CALCOCO2: variants seen among roughly 807,000 people sequenced by gnomAD.
CALCOCO2 encodes the protein calcium-binding and coiled-coil domain-containing protein 2.
A neutral mutation model predicts 62.5 loss-of-function variants in CALCOCO2; 42 were observed. The ratio of observed to expected loss-of-function variants is 0.67; its 90% CI spans 0.53 to 0.87. The LOEUF (loss-of-function observed/expected upper bound fraction) is 0.87. CALCOCO2 is among the 40% of genes least tolerant of loss of function. The pLI is 0.00. For synonymous variants in CALCOCO2, 167 were observed against 173.0 expected (o/e 0.97, Z 0.27); for missense variants, 456 against 515.0 (o/e 0.89, Z 1.11).
At chr17:48,858,049 T>TAGAATAGAATAG (rs2040263981) in intron 10 of CALCOCO2, among the ~76,000 whole-genome samples, 1 of 113,672 alleles carries the variant, frequency 8.8e-6, no homozygotes, top group Non-Finnish European at 2.0e-5. Flanking sequence ...GAATAGAAAA[T>TAGAATAGAATAG]AGAATAGAAT....
At position 48,853,021 on chromosome 17, in the gene CALCOCO2, G is replaced by A; in HGVS notation, c.912+9G>A. 1 of 1,587,136 alleles carries A rather than the reference G, an allele frequency of 6.3e-7. No individual in the cohort carries two copies. Reference sequence around the variant, plus strand: ...AACAACAGGAATTAATGGCATGTCTGTCTTTGGATGGTTATGTGGGAGGGA... The same window carrying A: ...AACAACAGGAATTAATGGCATGTCTATCTTTGGATGGTTATGTGGGAGGGA... On this transcript the variant is annotated intron_variant, in intron 9 of 12. Transcript: ENST00000258947.
At chr17:48,844,541 G>T (rs1166818957) in intron 2 of CALCOCO2, among the ~76,000 whole-genome samples, 2 of 151,786 alleles carry the variant, frequency 1.3e-5, no homozygotes, top group Non-Finnish European at 2.9e-5. Flanking sequence ...TGCAACCTCT[G>T]CCTCCCTGGT....
At chr17:48,833,546 CAA>C (rs10583747) in intron 1 of CALCOCO2, among the ~76,000 whole-genome samples, 77,327 of 128,694 alleles carry the variant, frequency 0.6, 22,484 homozygotes, top group East Asian at 0.88. Flanking sequence ...GACTCTGTCT[CAA>C]AAAAAAAAAA....
intron 9 of CALCOCO2, among the ~76,000 whole-genome samples, chr17:48,855,027 A>G (rs1027187505): frequency 2.0e-5 from 3 of 152,162 alleles, no homozygotes; most frequent in Admixed American, 6.6e-5. Flanking sequence ...GGGCCCAGGA[A>G]AGCAAGAGGT....
intron 2 of CALCOCO2, chr17:48,846,049 A>G (rs2040048790): frequency 1.4e-6 from 2 of 1,479,432 alleles, no homozygotes; most frequent in Admixed American, 2.0e-5. Context: ...TCTTAATCAG[A>G]CTATTCAACT....
chr17:48,835,195 T>G (rs1314165739), intron 1 of CALCOCO2, among the ~76,000 whole-genome samples: 3 of 152,188 alleles, frequency 2.0e-5, no homozygotes, highest in African/African-American at 7.2e-5. Context: ...AAGGGAAGAC[T>G]AAAGATTACT....
intron 10 of CALCOCO2, among the ~76,000 whole-genome samples, chr17:48,858,470 C>T (rs2040276307): frequency 6.6e-6 from 1 of 152,016 alleles, no homozygotes; most frequent in Non-Finnish European, 1.5e-5. Context: ...GCTAGGATTG[C>T]AGGTGCGCAC....
intron 5 of CALCOCO2, 152 bp from the exon 6 acceptor site, chr17:48,850,937 C>T: frequency 4.2e-6 from 2 of 473,606 alleles, no homozygotes; most frequent in South Asian, 2.4e-5. Context: ...AAAAAAAGAA[C>T]ATTTTCCTTT....
chr17:48,857,497 C>CTTTTTTTTTTTTTTTTTTTTTTT lies in CALCOCO2; in HGVS notation c.1008+1311_1008+1333dup, dbSNP rs59318856. 6.2e-4 allele frequency among the ~76,000 whole-genome samples: 24 copies of CTTTTTTTTTTTTTTTTTTTTTTT among 38,438 alleles called. 6 individuals are homozygous for CTTTTTTTTTTTTTTTTTTTTTTT. Among genetic ancestry groups the CTTTTTTTTTTTTTTTTTTTTTTT allele is most frequent in the East Asian group, 2.0e-3 (1 of 504 alleles). 25.2% of individuals were successfully genotyped at this position (38,438 alleles called of 152,430 possible). ...CAGGCGTGAGCCACTGCACCCGGCC[C>CTTTTTTTTTTTTTTTTTTTTTTT]TTTTTTTTTTTTTTTTTTTTTTTGA... is the stretch of plus-strand genomic sequence containing the variant. On this transcript the variant is annotated intron_variant, in intron 10 of 12. Coordinates refer to ENST00000258947, the MANE Select transcript of CALCOCO2 (RefSeq NM_005831.5).
At chr17:48,853,499 T>G (rs916304923) in intron 9 of CALCOCO2, among the ~76,000 whole-genome samples, 2 of 152,222 alleles carry the variant, frequency 1.3e-5, no homozygotes, top group Non-Finnish European at 1.5e-5. Flanking sequence ...CCCAGGGCGT[T>G]GACAGGTGCC....
At chr17:48,859,509 G>A (rs1452632393) in intron 10 of CALCOCO2, among the ~76,000 whole-genome samples, 1 of 151,712 alleles carries the variant, frequency 6.6e-6, no homozygotes, top group Non-Finnish European at 1.5e-5. Flanking sequence ...GGCTGAGGTG[G>A]GAGGGTTGCT....
In CALCOCO2 at chr17:48,834,255, GT is replaced by G. The variant is rs199717093; in HGVS notation, c.-11+3178del. On this transcript the variant is annotated intron_variant, in intron 1 of 12. Transcript: ENST00000258947. The stretch of plus-strand genomic sequence containing the variant: ...CTTGAAAAGCTCATTAGATGAAGAT[GT>G]GTCAGGTTTTCTTGGAAGCTAGGAG... 9.4e-3 allele frequency among the ~76,000 whole-genome samples: 1,434 copies of G among 152,104 alleles called. 24 individuals are homozygous for G. The highest frequency in any genetic ancestry group is 0.032 in the African/African-American group (1,329 of 41,502).
intron 1 of CALCOCO2, among the ~76,000 whole-genome samples, chr17:48,835,211 G>A (rs8078992): frequency 1.3e-5 from 2 of 152,040 alleles, no homozygotes; most frequent in Admixed American, 1.3e-4. Context: ...TTACTGACCT[G>A]AAAACTCAGT....
Position 48,863,460 on chromosome 17 carries a change from T to C in CALCOCO2, c.*455T>C, listed in dbSNP as rs558844842. Reference sequence around the variant, plus strand: ...CCTTCCTCCTCATCCTTGGTGTTGCTTTCTCCAAATGATTGTTTTAGACTA... The same window carrying C: ...CCTTCCTCCTCATCCTTGGTGTTGCCTTCTCCAAATGATTGTTTTAGACTA... On this transcript the variant is annotated 3_prime_UTR_variant, in exon 13 of 13. Coordinates refer to ENST00000258947, the MANE Select transcript of CALCOCO2 (RefSeq NM_005831.5). 1 of 166,092 alleles carries C rather than the reference T, an allele frequency of 6.0e-6. No homozygotes were observed. Among genetic ancestry groups the C allele is most frequent in the African/African-American group, 2.4e-5 (1 of 41,814 alleles). The allele number at this position is 166,092 out of a possible 1,614,324, so 10.3% of individuals were successfully genotyped here.
At chr17:48,849,912 C>A (rs2040103820) in intron 5 of CALCOCO2, among the ~76,000 whole-genome samples, 1 of 152,068 alleles carries the variant, frequency 6.6e-6, no homozygotes, top group African/African-American at 2.4e-5. Flanking sequence ...AATACCAGCA[C>A]TTTGGGAGGC....
chr17:48,852,321 C>T (rs1032119528), intron 7 of CALCOCO2, 185 bp from the exon 8 acceptor site: 3 of 553,830 alleles, frequency 5.4e-6, no homozygotes, highest in African/African-American at 3.8e-5. Context: ...AGCAGAACTG[C>T]TCTCATTTTT....
Position 48,857,974 on chromosome 17 carries a change from CAATAGAATAGAATAGAATAG to C in CALCOCO2, c.1008+1840_1008+1859del, listed in dbSNP as rs1555573799. On this transcript the variant is annotated intron_variant, in intron 10 of 12. Transcript: ENST00000258947. ...CCTGGCTGACAGAGCAAGACTACAT[CAATAGAATAGAATAGAATAG>C]AATAGAATAGAATAGAATAGAATAG... Among the ~76,000 whole-genome samples, 142 of 40,204 alleles carry C rather than the reference CAATAGAATAGAATAGAATAG, an allele frequency of 3.5e-3. 1 individual carries two copies. The highest frequency in any genetic ancestry group is 1.0e-2 in the African/African-American group (136 of 13,656). 26.4% of individuals were successfully genotyped at this position (40,204 alleles called of 152,430 possible). A position where few individuals can be genotyped will look rare whatever the true frequency, so the allele number is the denominator to read the frequency against.
intron 10 of CALCOCO2, among the ~76,000 whole-genome samples, chr17:48,858,474 T>C (rs1427871561): frequency 6.6e-6 from 1 of 151,920 alleles, no homozygotes; most frequent in African/African-American, 2.4e-5. Context: ...GGATTGCAGG[T>C]GCGCACCACC....
intron 11 of CALCOCO2, among the ~76,000 whole-genome samples, chr17:48,860,848 A>G (rs1244949420): frequency 6.6e-6 from 1 of 152,158 alleles, no homozygotes; most frequent in East Asian, 1.9e-4. Flanking sequence ...ATGGCTAACC[A>G]AGGATGACAG....
Sources: allele counts gnomAD v4.1 joint callset (sites outside exome capture counted in the v4.1 genomes callset), GRCh38; gene constraint gnomAD v4.1.1; transcripts MANE v1.5; gene names NCBI Gene and HGNC (gene_info 2026-07-23, HGNC 2026-07-21).